Variants in TMEM132D observed in about 807,000 individuals in gnomAD.
TMEM132D encodes mature OL transmembrane protein.
Under a neutral mutation model 62.3 loss-of-function variants are expected in TMEM132D, and 21 were observed. The observed-to-expected ratio is 0.34, with a 90% CI of 0.24 to 0.49. TMEM132D has a LOEUF of 0.49. Ranked by LOEUF, TMEM132D falls within the 20% of genes least tolerant of loss-of-function variation. TMEM132D has a pLI of 0.99. For synonymous variants in TMEM132D, 621 were observed against 575.6 expected, an observed-to-expected ratio of 1.08 and a Z score of -1.13; for missense variants, 1,346 against 1,402.8, an observed-to-expected ratio of 0.96 and a Z score of 0.65.
intron 2 of TMEM132D, among the ~76,000 whole-genome samples, chr12:129,593,057 G>A (rs1389892627): frequency 6.6e-6 from 1 of 152,048 alleles, no homozygotes; most frequent in Non-Finnish European, 1.5e-5. Context: ...AGACCTATGA[G>A]GTTCAGGTTT....
At chr12:129,482,137 C>A (rs1874446906) in intron 3 of TMEM132D, among the ~76,000 whole-genome samples, 1 of 152,198 alleles carries the variant, frequency 6.6e-6, no homozygotes, top group African/African-American at 2.4e-5. Flanking sequence ...TCAGCCAGCC[C>A]CCAGACACAC....
intron 1 of TMEM132D, among the ~76,000 whole-genome samples, chr12:129,732,220 G>T (rs367969966): frequency 1.3e-5 from 2 of 152,190 alleles, no homozygotes; most frequent in East Asian, 1.9e-4. Context: ...GTATTATAAA[G>T]AATATATCTG....
intron 1 of TMEM132D, among the ~76,000 whole-genome samples, chr12:129,882,701 T>C (rs542208590): frequency 6.6e-6 from 1 of 152,348 alleles, no homozygotes; most frequent in Non-Finnish European, 1.5e-5. Context: ...ATCATCACTA[T>C]GTACACCATA....
chr12:129,102,215 C>G (rs1287184456), intron 5 of TMEM132D, among the ~76,000 whole-genome samples: 1 of 152,208 alleles, frequency 6.6e-6, no homozygotes, highest in Non-Finnish European at 1.5e-5. Flanking sequence ...GGCCAGTGAA[C>G]TGGCAAATGA....
chr12:129,626,835 C>G (rs905567879), intron 2 of TMEM132D, among the ~76,000 whole-genome samples: 2 of 152,108 alleles, frequency 1.3e-5, no homozygotes, highest in African/African-American at 4.8e-5. Context: ...TATTAGGGAG[C>G]TATCCTCATC....
intron 5 of TMEM132D, among the ~76,000 whole-genome samples, chr12:129,182,990 TTC>T (rs891017008): frequency 2.6e-5 from 4 of 151,394 alleles, no homozygotes; most frequent in Non-Finnish European, 5.9e-5. Flanking sequence ...GGGCTGAGGC[TTC>T]TCTCTCTCTC....
At chr12:129,531,614 T>C (rs1437249622) in intron 2 of TMEM132D, among the ~76,000 whole-genome samples, 1 of 152,176 alleles carries the variant, frequency 6.6e-6, no homozygotes, top group Admixed American at 6.5e-5. Context: ...TCATTGAATG[T>C]CTCCCAGTGC....
chr12:129,347,656 A>C (rs537140572), intron 3 of TMEM132D, among the ~76,000 whole-genome samples: 1 of 152,354 alleles, frequency 6.6e-6, no homozygotes, highest in South Asian at 2.1e-4. Flanking sequence ...ATAGGCAAAG[A>C]CTTCATGACT....
chr12:129,411,755 T>C lies in TMEM132D; in HGVS notation c.1116-73938A>G, dbSNP rs184210766. The stretch of plus-strand genomic sequence containing the variant: ...AGGGGACAAAACATCTCTCAGCTCT[T>C]GTCTCCCCTCATTCTGTGACATCAT... On this transcript the variant is annotated intron_variant, in intron 3 of 8. Coordinates refer to ENST00000422113, the MANE Select transcript of TMEM132D (RefSeq NM_133448.3). 1.5e-3 allele frequency among the ~76,000 whole-genome samples: 227 copies of C among 152,342 alleles called. 2 individuals are homozygous for C. The highest frequency in any genetic ancestry group is 5.3e-3 in the African/African-American group (222 of 41,588).
At chr12:129,701,870 C>G (rs1190358412) in intron 1 of TMEM132D, among the ~76,000 whole-genome samples, 1 of 152,216 alleles carries the variant, frequency 6.6e-6, no homozygotes, top group Non-Finnish European at 1.5e-5. Context: ...CATCTGGAAG[C>G]CTGATGCCTT....
chr12:129,487,191 C>T (rs915438386), intron 3 of TMEM132D, among the ~76,000 whole-genome samples: 6 of 152,202 alleles, frequency 3.9e-5, no homozygotes, highest in Admixed American at 6.5e-5. Context: ...ACAGCCCCAG[C>T]GTGCATGGGA....
chr12:129,418,973 C>T (rs967446562), intron 3 of TMEM132D, among the ~76,000 whole-genome samples: 15 of 152,108 alleles, frequency 9.9e-5, no homozygotes, highest in Admixed American at 2.6e-4. Context: ...GCTGCCCCAC[C>T]GCAGCCTGAG....
At chr12:129,101,642 G>A (rs1376285057) in intron 5 of TMEM132D, among the ~76,000 whole-genome samples, 1 of 152,194 alleles carries the variant, frequency 6.6e-6, no homozygotes, top group Non-Finnish European at 1.5e-5. Flanking sequence ...CAGATCTCGG[G>A]TTTGGAGGCA....
chr12:129,516,527 C>A (rs760062857), intron 3 of TMEM132D, among the ~76,000 whole-genome samples: 1 of 152,248 alleles, frequency 6.6e-6, no homozygotes, highest in South Asian at 2.1e-4. Context: ...AGGGGCTTCC[C>A]CTTATAATAC....
chr12:129,847,236 C>A (rs1190278665), intron 1 of TMEM132D, among the ~76,000 whole-genome samples: 1 of 152,182 alleles, frequency 6.6e-6, no homozygotes, highest in South Asian at 2.1e-4. Flanking sequence ...TCTTCCTGGG[C>A]AGGTCCTGAA....
At chr12:129,468,488 T>G (rs574948026) in intron 3 of TMEM132D, among the ~76,000 whole-genome samples, 2 of 152,150 alleles carry the variant, frequency 1.3e-5, no homozygotes, top group Non-Finnish European at 2.9e-5. Flanking sequence ...GGAAGACAAT[T>G]AAACACACAC....
intron 3 of TMEM132D, among the ~76,000 whole-genome samples, chr12:129,485,614 G>C (rs1033407521): frequency 2.0e-5 from 3 of 152,178 alleles, no homozygotes; most frequent in East Asian, 3.9e-4. Context: ...AGGAACAAAC[G>C]CAAGACCAGG....
chr12:129,268,936 G>A (rs981514414), intron 4 of TMEM132D, among the ~76,000 whole-genome samples: 3 of 147,294 alleles, frequency 2.0e-5, no homozygotes, highest in South Asian at 2.2e-4. Context: ...ACCAAACACT[G>A]CATGTTCTCA....
At chr12:129,698,769 AAG>A (rs1239732576) in intron 2 of TMEM132D, among the ~76,000 whole-genome samples, 87 of 140,780 alleles carry the variant, frequency 6.2e-4, no homozygotes, top group African/African-American at 2.0e-3. Context: ...GGGAGGGAGA[AAG>A]AGAGAGGGAG....
Sources: allele counts gnomAD v4.1 joint callset (sites outside exome capture counted in the v4.1 genomes callset), GRCh38; gene constraint gnomAD v4.1.1; transcripts MANE v1.5; gene names NCBI Gene and HGNC (gene_info 2026-07-23, HGNC 2026-07-21).